Variants in ARHGEF28 observed in about 807,000 individuals in gnomAD.
ARHGEF28 encodes the protein Rho guanine nucleotide exchange factor 28.
Under a neutral mutation model 206.6 loss-of-function variants are expected in ARHGEF28, and 152 were observed. The ratio of observed to expected loss-of-function variants is 0.74; its 90% CI spans 0.64 to 0.84. ARHGEF28 has a LOEUF of 0.84. ARHGEF28 is among the 40% of genes least tolerant of loss of function. ARHGEF28 has a pLI of 0.00. For synonymous variants in ARHGEF28, 763 were observed against 776.4 expected (o/e 0.98, Z 0.29); for missense variants, 2,028 against 2,073.2 (o/e 0.98, Z 0.42).
intron 1 of ARHGEF28, among the ~76,000 whole-genome samples, chr5:73,656,935 C>G (rs1745244787): frequency 6.6e-6 from 1 of 151,922 alleles, no homozygotes; most frequent in Admixed American, 6.6e-5. Context: ...CTTTGGGAGG[C>G]CGAGGTGGGT....
intron 35 of ARHGEF28, among the ~76,000 whole-genome samples, chr5:73,928,572 A>G (rs898916403): frequency 4.6e-5 from 7 of 152,208 alleles, no homozygotes; most frequent in Admixed American, 3.9e-4. Context: ...CTCAAAGAAA[A>G]ACATTGCATC....
chr5:73,674,948 C>T (rs1213149616), intron 1 of ARHGEF28, among the ~76,000 whole-genome samples: 1 of 152,176 alleles, frequency 6.6e-6, no homozygotes, highest in Non-Finnish European at 1.5e-5. Flanking sequence ...TTCATCTGTA[C>T]CCTTCGTAAT....
intron 6 of ARHGEF28, among the ~76,000 whole-genome samples, chr5:73,777,397 C>A (rs765056181): frequency 1.1e-4 from 17 of 152,096 alleles, no homozygotes; most frequent in Non-Finnish European, 2.5e-4. Flanking sequence ...ACACACTAAC[C>A]AGATCCTATG....
intron 1 of ARHGEF28, among the ~76,000 whole-genome samples, chr5:73,636,334 C>G (rs939121222): frequency 6.6e-6 from 1 of 152,144 alleles, no homozygotes; most frequent in Non-Finnish European, 1.5e-5. Context: ...TTCAACTTTA[C>G]CAAGAACAGT....
intron 13 of ARHGEF28, among the ~76,000 whole-genome samples, chr5:73,849,442 C>A (rs1758566717): frequency 6.6e-6 from 1 of 152,030 alleles, no homozygotes; most frequent in South Asian, 2.1e-4. Flanking sequence ...ACTTTTGTCT[C>A]ATATATACAT....
chr5:73,917,194 A>G (rs934073692), intron 35 of ARHGEF28, among the ~76,000 whole-genome samples: 1 of 152,198 alleles, frequency 6.6e-6, no homozygotes, highest in African/African-American at 2.4e-5. Context: ...AACAAAGCTG[A>G]AGGGCTGAAG....
chr5:73,667,556 T>A (rs1292126653), intron 1 of ARHGEF28, among the ~76,000 whole-genome samples: 1 of 152,200 alleles, frequency 6.6e-6, no homozygotes, highest in Non-Finnish European at 1.5e-5. Flanking sequence ...TCTCCCATCA[T>A]CTTGATGAAT....
intron 2 of ARHGEF28, 136 bp from the exon 3 acceptor site, chr5:73,749,701 A>G (rs1751923150): frequency 1.2e-6 from 1 of 842,252 alleles, no homozygotes. Context: ...GGAAGGAAGC[A>G]CTCATGCTAT....
chr5:73,786,101 C>A, intron 7 of ARHGEF28, among the ~76,000 whole-genome samples: 1 of 150,868 alleles, frequency 6.6e-6, no homozygotes, highest in African/African-American at 2.4e-5. Context: ...ACCTTGCCCT[C>A]AAGTAGTTTG....
intron 4 of ARHGEF28, 149 bp downstream of exon 4, chr5:73,753,351 T>C: frequency 1.2e-6 from 1 of 803,546 alleles, no homozygotes; most frequent in Non-Finnish European, 1.8e-6. Flanking sequence ...CCTGAGGTCC[T>C]GAGCCACTCA....
At chr5:73,861,914 C>T (rs1759428659) in intron 16 of ARHGEF28, among the ~76,000 whole-genome samples, 1 of 152,098 alleles carries the variant, frequency 6.6e-6, no homozygotes, top group Admixed American at 6.6e-5. Flanking sequence ...AAGGTTTTTA[C>T]ATGGAGCAAT....
At chr5:73,791,118 T>C (rs1167667036) in intron 7 of ARHGEF28, among the ~76,000 whole-genome samples, 1 of 152,186 alleles carries the variant, frequency 6.6e-6, no homozygotes, top group Non-Finnish European at 1.5e-5. Context: ...GTCAGCTATG[T>C]ATATTTTGGG....
chr5:73,730,706 T>G (rs74836361), intron 2 of ARHGEF28, among the ~76,000 whole-genome samples: 2,820 of 152,184 alleles, frequency 0.019, 79 homozygotes, highest in African/African-American at 0.064. Flanking sequence ...GGCTAATTTT[T>G]GTATATTTTT....
intron 1 of ARHGEF28, among the ~76,000 whole-genome samples, chr5:73,650,544 A>G (rs1439009072): frequency 1.3e-5 from 2 of 152,060 alleles, no homozygotes; most frequent in Non-Finnish European, 2.9e-5. Context: ...CGGCCTCACA[A>G]AGTGCTGGGA....
intron 1 of ARHGEF28, among the ~76,000 whole-genome samples, chr5:73,655,058 G>A (rs1745097982): frequency 6.6e-6 from 1 of 152,216 alleles, no homozygotes; most frequent in Admixed American, 6.5e-5. Context: ...CTGTACAGTG[G>A]CCTATTCACT....
intron 16 of ARHGEF28, 128 bp downstream of exon 16, chr5:73,858,347 C>A (rs915040412): frequency 2.5e-6 from 3 of 1,196,832 alleles, no homozygotes; most frequent in Admixed American, 2.7e-5. Context: ...AACCGTTTAC[C>A]AAGCAAGGAC....
intron 33 of ARHGEF28, among the ~76,000 whole-genome samples, chr5:73,907,582 T>C (rs558926668): frequency 6.6e-6 from 1 of 152,180 alleles, no homozygotes; most frequent in East Asian, 1.9e-4. Flanking sequence ...ATCAGGAAAA[T>C]AGAGTTAGAA....
At chr5:73,804,082 CAAAAAAAAAAAAAAAA>C (rs35722039) in intron 9 of ARHGEF28, among the ~76,000 whole-genome samples, 1 of 64,314 alleles carries the variant, frequency 1.6e-5, no homozygotes, top group Non-Finnish European at 2.7e-5. Context: ...GAGACCCTGT[CAAAAAAAAAAAAAAAA>C]AAAAAAAAAG....
intron 2 of ARHGEF28, among the ~76,000 whole-genome samples, chr5:73,720,784 A>G (rs1291909385): frequency 6.6e-6 from 1 of 152,174 alleles, no homozygotes; most frequent in East Asian, 1.9e-4. Context: ...ATAAACATGT[A>G]TGTCTCAAAG....
Sources: allele counts gnomAD v4.1 joint callset (sites outside exome capture counted in the v4.1 genomes callset), GRCh38; gene constraint gnomAD v4.1.1; transcripts MANE v1.5; gene names NCBI Gene and HGNC (gene_info 2026-07-23, HGNC 2026-07-21).